The following IQSEC2 variants were observed in gnomAD, a reference collection of about 807,000 sequenced individuals.
The protein encoded by IQSEC2 is IQ motif and Sec7 domain ArfGEF 2.
Under a neutral mutation model 74.6 loss-of-function variants are expected in IQSEC2, and 6 were observed. That is an observed-to-expected ratio of 0.08 (90% CI 0.04 to 0.16). The LOEUF (loss-of-function observed/expected upper bound fraction) is 0.16. Among genes scored for constraint, IQSEC2 ranks in the 10% least tolerant of loss-of-function variants. The probability of loss-of-function intolerance (pLI) is 1.00; values close to 1 mark genes in which losing one functional copy is unlikely to be tolerated. For synonymous variants in IQSEC2, 494 were observed against 544.5 expected (o/e 0.91, Z 1.29); for missense variants, 734 against 1,306.2 (o/e 0.56, Z 6.75).
chrX:53,259,047 T>G (rs1556865887), intron 2 of IQSEC2, among the ~76,000 whole-genome samples: 1 of 106,218 alleles, frequency 9.4e-6, no homozygotes, highest in East Asian at 3.1e-4. Context: ...AAAAATTAGC[T>G]GAGCATGGTG....
At chrX:53,240,842 T>C (rs931560673) in intron 10 of IQSEC2, among the ~76,000 whole-genome samples, 34 of 108,249 alleles carry the variant, frequency 3.1e-4, no homozygotes, top group African/African-American at 1.1e-3. Context: ...TGGAGCGATC[T>C]CAGCTCACTG....
At chrX:53,291,190 T>A (rs1243781363) in intron 2 of IQSEC2, among the ~76,000 whole-genome samples, 1 of 110,779 alleles carries the variant, frequency 9.0e-6, no homozygotes, top group Non-Finnish European at 1.9e-5. Context: ...AAGCTTCTGA[T>A]GGGGTAAGGC....
chrX:53,293,648 G>A (rs1333191274), intron 1 of IQSEC2, among the ~76,000 whole-genome samples: 2 of 110,738 alleles, frequency 1.8e-5, no homozygotes, highest in African/African-American at 6.6e-5. Context: ...TAGGCAGACC[G>A]ATCTCTTCAC....
intron 1 of IQSEC2, among the ~76,000 whole-genome samples, chrX:53,297,998 C>T (rs1203433982): frequency 2.7e-5 from 3 of 111,673 alleles, no homozygotes; most frequent in African/African-American, 9.8e-5. Flanking sequence ...GACGCAGTGG[C>T]GAACACCTGT....
intron 1 of IQSEC2, among the ~76,000 whole-genome samples, chrX:53,315,083 C>T (rs150649713): frequency 1.8e-3 from 197 of 111,775 alleles, no homozygotes; most frequent in African/African-American, 6.3e-3. Flanking sequence ...ATCCTTGTTT[C>T]CTTGTCTGAA....
chrX:53,317,444 G>C (rs1415823924), intron 1 of IQSEC2, among the ~76,000 whole-genome samples: 4 of 111,780 alleles, frequency 3.6e-5, no homozygotes, highest in African/African-American at 9.8e-5. Context: ...ATGCAGTAGA[G>C]GGAAAGTTCA....
Position 53,250,867 on chromosome X carries a change from T to C in IQSEC2, c.1709A>G (p.Glu570Gly), listed in dbSNP as rs2074376418. 3 of 1,208,584 alleles carry C rather than the reference T, an allele frequency of 2.5e-6. No individual in the cohort carries two copies. Among genetic ancestry groups the C allele is most frequent in the Admixed American group, 2.2e-5 (1 of 45,841 alleles). ...SGTREDGSRE[E>G]GTRRGPGCLE... The stretch of plus-strand genomic sequence containing the variant: ...GCACCCGGGACCCCTGCGAGTGCCT[T>C]CCTCACGGCTACCGTCTTCCCGGGT... Residue 570 changes from glutamate (E) to glycine (G), a missense_variant, in exon 5 of 15, where the codon GAA becomes GGA. Coordinates refer to ENST00000642864, the MANE Select transcript of IQSEC2 (RefSeq NM_001111125.3).
downstream of IQSEC2, chrX:53,230,087 C>T (rs1556858213): frequency 8.9e-6 from 1 of 112,485 alleles, no homozygotes; most frequent in African/African-American, 3.2e-5. Context: ...TGCATTCTCT[C>T]GCATCTCCAG....
chrX:53,294,000 A>T (rs1279982942), intron 1 of IQSEC2, among the ~76,000 whole-genome samples: 2 of 111,187 alleles, frequency 1.8e-5, no homozygotes, highest in Admixed American at 1.9e-4. Flanking sequence ...GTGAACCCCA[A>T]AGCTCATGTT....
In IQSEC2 at chrX:53,238,188, C is replaced by T; in HGVS notation, c.3234G>A (p.Glu1078=). The T allele has an allele frequency of 1.7e-6, 2 of 1,207,999 alleles. No homozygotes were observed. Among genetic ancestry groups the T allele is most frequent in the Non-Finnish European group, 1.1e-6 (1 of 893,885 alleles). The change falls in exon 12 of 15, where the codon GAG becomes GAA. Residue 1078 remains glutamate (E), a synonymous_variant. Coordinates refer to ENST00000642864, the MANE Select transcript of IQSEC2 (RefSeq NM_001111125.3). ...CCATCTCCTGCACCTCCGCAATGGA[C>T]TCGCGCAGGTCGGATGTAAAGCGCA... ...DRLRFTSDLR[E]SIAEVQEMEK...
At chrX:53,235,670 C>T (rs782733463) in intron 14 of IQSEC2, 113 bp downstream of exon 14, 8 of 799,860 alleles carry the variant, frequency 1.0e-5, no homozygotes, top group African/African-American at 6.2e-5. Flanking sequence ...GAGAGGCAGC[C>T]GCATGGTTCC....
intron 1 of IQSEC2, among the ~76,000 whole-genome samples, chrX:53,306,414 C>T (rs1556876659): frequency 9.0e-6 from 1 of 111,037 alleles, no homozygotes; most frequent in African/African-American, 3.3e-5. Context: ...GCTCGCTTGA[C>T]TCCATGGTCT....
rs782199669 is a variant in IQSEC2 at position 53,247,063 on chromosome X, A to G, written c.2655T>C (p.Ala885=). The G allele has an allele frequency of 8.3e-7, 1 of 1,208,835 alleles. No homozygotes were observed. Among genetic ancestry groups the G allele is most frequent in the African/African-American group, 1.8e-5 (1 of 56,950 alleles). Residue 885 remains alanine (A), a synonymous_variant, in exon 8 of 15, where the codon GCT becomes GCC. Transcript: ENST00000642864. ...CGGTATTGAGGAGGATGATGGCAAAAGCAAGGATGAAGATGGTGTCTGGGT... is the reference window on the plus strand; with the variant it reads ...CGGTATTGAGGAGGATGATGGCAAAGGCAAGGATGAAGATGGTGTCTGGGT... The part of the protein sequence containing the change: ...FRNPDTIFIL[A]FAIILLNTDM...
chrX:53,251,284 T>A, intron 4 of IQSEC2, 110 bp from the exon 5 acceptor site: 2 of 789,487 alleles, frequency 2.5e-6, no homozygotes, highest in Non-Finnish European at 3.7e-6. Flanking sequence ...AAAGGGGGAG[T>A]CTTCCTGGTA....
chrX:53,310,257 G>A, intron 1 of IQSEC2, among the ~76,000 whole-genome samples: 1 of 110,617 alleles, frequency 9.0e-6, no homozygotes, highest in Non-Finnish European at 1.9e-5. Context: ...GGTAGTGCAT[G>A]TCTGTGGTCC....
chrX:53,256,070 A>G lies in IQSEC2; in HGVS notation c.738-9T>C. 1 of 1,153,560 alleles carries G rather than the reference A, an allele frequency of 8.7e-7. No homozygotes were observed. The highest frequency in any genetic ancestry group is 2.1e-5 in the South Asian group (1 of 48,065). On this transcript the variant is annotated splice_polypyrimidine_tract_variant and intron_variant, in intron 2 of 14. Coordinates refer to ENST00000642864, the MANE Select transcript of IQSEC2 (RefSeq NM_001111125.3). ...GGGCATCACCCTCCACACTGTGGGG[A>G]TGAGATAAGATGAGCCAGGATGTGG...
chrX:53,279,349 C>G (rs1424121123), intron 2 of IQSEC2: 4 of 404,932 alleles, frequency 9.9e-6, no homozygotes, highest in Admixed American at 8.3e-5. Context: ...GGGCAGGTCT[C>G]TAGGGAAGGA....
intron 4 of IQSEC2, among the ~76,000 whole-genome samples, chrX:53,251,512 T>C (rs1329709821): frequency 7.2e-5 from 8 of 111,344 alleles, no homozygotes; most frequent in Admixed American, 9.5e-5. Context: ...GCCTCTGCCA[T>C]CCCCCAGAGT....
At chrX:53,295,215 T>C (rs782478096) in intron 1 of IQSEC2, among the ~76,000 whole-genome samples, 2 of 112,198 alleles carry the variant, frequency 1.8e-5, no homozygotes, top group Non-Finnish European at 3.8e-5. Context: ...GGCCAATAAA[T>C]AGTAACTTGT....
Sources: allele counts gnomAD v4.1 joint callset (sites outside exome capture counted in the v4.1 genomes callset), GRCh38; gene constraint gnomAD v4.1.1; transcripts MANE v1.5; gene names NCBI Gene and HGNC (gene_info 2026-07-23, HGNC 2026-07-21).